XIRP2: variants seen among roughly 807,000 people sequenced by gnomAD.
XIRP2 encodes xin actin-binding repeat-containing protein 2.
XIRP2 carries 236 observed loss-of-function variants against 277.0 expected under a neutral mutation model. The ratio of observed to expected loss-of-function variants is 0.85; its 90% CI spans 0.77 to 0.95. The LOEUF (loss-of-function observed/expected upper bound fraction) is 0.95, where lower values mean the gene tolerates loss of function less well. Ranked by LOEUF, XIRP2 falls within the 40% of genes least tolerant of loss-of-function variation. The probability of loss-of-function intolerance (pLI) is 0.00; values close to 1 mark genes in which losing one functional copy is unlikely to be tolerated. For synonymous variants in XIRP2, 1,490 were observed against 1,416.5 expected (o/e 1.05, Z -1.17); for missense variants, 4,640 against 4,157.5 (o/e 1.12, Z -3.19).
intron 1 of XIRP2, 98 bp from the exon 2 acceptor site, chr2:166,903,367 C>A: frequency 7.9e-7 from 1 of 1,271,306 alleles, no homozygotes; most frequent in Non-Finnish European, 1.1e-6. Flanking sequence ...TTTACTAAGA[C>A]CCAAACCCCA....
At chr2:166,972,012 C>T (rs77460883) in intron 2 of XIRP2, among the ~76,000 whole-genome samples, 24 of 152,202 alleles carry the variant, frequency 1.6e-4, no homozygotes, top group East Asian at 1.2e-3. Context: ...ATGTTGAGGT[C>T]CTAATCCCCA....
At chr2:167,208,175 A>T (rs1335722944) in intron 3 of XIRP2, among the ~76,000 whole-genome samples, 1 of 152,196 alleles carries the variant, frequency 6.6e-6, no homozygotes. Flanking sequence ...TGTTGTATTA[A>T]TATTTATAAT....
intron 1 of XIRP2, among the ~76,000 whole-genome samples, chr2:166,899,523 AC>A (rs1483591272): frequency 6.6e-6 from 1 of 152,014 alleles, no homozygotes; most frequent in Non-Finnish European, 1.5e-5. Flanking sequence ...ATTCAAGAAT[AC>A]CCCCTAGCCA....
chr2:166,901,959 T>C (rs907856205), intron 1 of XIRP2, among the ~76,000 whole-genome samples: 3 of 152,132 alleles, frequency 2.0e-5, no homozygotes, highest in Non-Finnish European at 4.4e-5. Context: ...AATGATGTTT[T>C]AGCCAGAGAT....
At chr2:166,923,044 G>C (rs1685096829) in intron 2 of XIRP2, among the ~76,000 whole-genome samples, 1 of 151,902 alleles carries the variant, frequency 6.6e-6, no homozygotes, top group Non-Finnish European at 1.5e-5. Context: ...AGTGTAAGTG[G>C]CATTCCTATC....
chr2:167,236,958 C>A (rs6708386), intron 5 of XIRP2, among the ~76,000 whole-genome samples: 41,486 of 151,886 alleles, frequency 0.27, 7,203 homozygotes, highest in African/African-American at 0.49. Flanking sequence ...GCAAAATATG[C>A]AACAGTAAAT....
intron 2 of XIRP2, among the ~76,000 whole-genome samples, chr2:166,912,340 C>T (rs963806867): frequency 1.2e-4 from 18 of 152,148 alleles, no homozygotes; most frequent in Non-Finnish European, 1.8e-4. Context: ...CTTCTCTTCT[C>T]GCTTCATTTC....
intron 2 of XIRP2, among the ~76,000 whole-genome samples, chr2:167,022,681 T>C (rs1041455938): frequency 6.6e-6 from 1 of 151,382 alleles, no homozygotes; most frequent in African/African-American, 2.4e-5. Flanking sequence ...TTCCCACCTA[T>C]GAGTGAGAAC....
chr2:167,246,065 A>T lies in XIRP2; in HGVS notation c.4673A>T (p.Asp1558Val), dbSNP rs1695250270. ...IGKSIKETLE[D>V]LYSQKVIQAP... Reference sequence around the variant, plus strand: ...AAGAGCATTAAAGAAACCTTAGAAGATCTCTACTCTCAAAAAGTTATCCAG... The same window carrying T: ...AAGAGCATTAAAGAAACCTTAGAAGTTCTCTACTCTCAAAAAGTTATCCAG... Residue 1558 changes from aspartate to valine, a missense_variant, in exon 9 of 11, where the codon GAT (aspartate) becomes GTT (valine). By Grantham distance (152) the Asp-to-Val change is radical. Transcript: ENST00000409195. 3 of 1,613,628 alleles carry T rather than the reference A, an allele frequency of 1.9e-6. No homozygotes were observed. Among genetic ancestry groups the T allele is most frequent in the Non-Finnish European group, 2.5e-6 (3 of 1,179,758 alleles).
intron 2 of XIRP2, among the ~76,000 whole-genome samples, chr2:167,064,044 A>T (rs550281287): frequency 6.6e-6 from 1 of 151,776 alleles, no homozygotes; most frequent in African/African-American, 2.4e-5. Context: ...AATATTTAAG[A>T]TACCTTTTAT....
intron 2 of XIRP2, among the ~76,000 whole-genome samples, chr2:167,107,674 TG>T (rs1289405505): frequency 2.0e-5 from 3 of 151,678 alleles, no homozygotes; most frequent in Non-Finnish European, 4.4e-5. Context: ...GATTTTATTT[TG>T]TTTTGTTTGT....
At position 167,245,170 on chromosome 2, in the gene XIRP2, T is replaced by C; in HGVS notation, c.3778T>C (p.Cys1260Arg). 6.2e-7 allele frequency: 1 copy of C among 1,613,308 alleles called. No homozygotes were observed. Among genetic ancestry groups the C allele is most frequent in the Non-Finnish European group, 8.5e-7 (1 of 1,179,624 alleles). ...KIKESQEGDE[C>R]VKTVTDIQGG... The stretch of plus-strand genomic sequence containing the variant: ...AAAAGAAAGCCAAGAAGGTGATGAA[T>C]GTGTTAAGACGGTGACAGACATACA... Residue 1260 changes from cysteine (C) to arginine (R), a missense_variant, in exon 9 of 11, where the codon TGT (cysteine) becomes CGT (arginine). Transcript: ENST00000409195.
intron 2 of XIRP2, among the ~76,000 whole-genome samples, chr2:166,919,183 G>C (rs940194579): frequency 3.3e-5 from 5 of 152,048 alleles, no homozygotes; most frequent in African/African-American, 1.2e-4. Context: ...AATACTCACT[G>C]TATTATATAT....
In XIRP2 at chr2:167,243,211, G is replaced by T; in HGVS notation, c.1819G>T (p.Glu607Ter). 6 of 1,614,100 alleles carry T rather than the reference G, an allele frequency of 3.7e-6. No individual in the cohort carries two copies. The highest frequency in any genetic ancestry group is 5.1e-6 in the Non-Finnish European group (6 of 1,179,996). Residue 607 changes from glutamate to a stop codon, truncating the protein, a stop_gained, in exon 9 of 11, where the codon GAA (glutamate) becomes TAA (stop). Coordinates refer to ENST00000409195, the MANE Select transcript of XIRP2 (RefSeq NM_152381.6). LOFTEE classifies it high-confidence loss of function. ...TATTTCCAGGGGCATTGCTGATCAAGAAATCATTGCTGGTGGTGATGTGAA... is the reference window on the plus strand; with the variant it reads ...TATTTCCAGGGGCATTGCTGATCAATAAATCATTGCTGGTGGTGATGTGAA... Reference protein sequence around the residue: ...GDISRGIADQEIIAGGDVKYT... With the variant: ...GDISRGIADQ
rs756602718 is a variant in XIRP2 at position 167,259,031 on chromosome 2, A to G, written c.*1214A>G. 2 of 1,609,722 alleles carry G rather than the reference A, an allele frequency of 1.2e-6. No individual in the cohort carries two copies. The highest frequency in any genetic ancestry group is 2.2e-5 in the East Asian group (1 of 44,692). ...CTTAAACATTAAAGGAAGCCATTCA[A>G]AGAGCAAAAATTTACACTTTTTCTT... On this transcript the variant is annotated 3_prime_UTR_variant, in exon 11 of 11. Transcript: ENST00000409195.
At position 166,925,452 on chromosome 2, in the gene XIRP2, TATG is replaced by T. The variant is rs569098726; in HGVS notation, c.408+21565_408+21567del. On this transcript the variant is annotated intron_variant, in intron 2 of 10. Transcript: ENST00000409195. ...ATAGCACGTTTAATTTCTCATCTATTATGATATAATAGTTGCTTCAAACAGCAT... is the reference window on the plus strand; with the variant it reads ...ATAGCACGTTTAATTTCTCATCTATTATATAATAGTTGCTTCAAACAGCAT... Among the ~76,000 whole-genome samples, 220 of 151,782 alleles carry T rather than the reference TATG, an allele frequency of 1.4e-3. 1 individual carries two copies. Among genetic ancestry groups the T allele is most frequent in the African/African-American group, 4.9e-3 (203 of 41,476 alleles).
intron 3 of XIRP2, among the ~76,000 whole-genome samples, chr2:167,161,118 T>A (rs534492567): frequency 6.6e-6 from 1 of 152,308 alleles, no homozygotes; most frequent in Admixed American, 6.5e-5. Context: ...GTGGGTTCCC[T>A]TGGTCTTGGG....
intron 2 of XIRP2, among the ~76,000 whole-genome samples, chr2:166,969,029 G>GA (rs777327232): frequency 6.6e-6 from 1 of 151,974 alleles, no homozygotes; most frequent in Non-Finnish European, 1.5e-5. Context: ...CAAGGCTCTG[G>GA]ACCCTCTTCC....
chr2:166,937,989 C>G (rs896654649), intron 2 of XIRP2, among the ~76,000 whole-genome samples: 1 of 151,888 alleles, frequency 6.6e-6, no homozygotes, highest in Non-Finnish European at 1.5e-5. Flanking sequence ...TCTCTCTTTT[C>G]TTGTTTATTA....
Sources: gnomAD v4.1 joint callset for allele counts (sites outside exome capture counted in the v4.1 genomes callset) on GRCh38, gnomAD v4.1.1 for gene constraint, MANE v1.5 for transcripts, NCBI Gene and HGNC (gene_info 2026-07-23, HGNC 2026-07-21) for gene names.